Variants in BTNL9 observed in about 807,000 individuals in gnomAD.
BTNL9 encodes butyrophilin-like protein 9.
BTNL9 carries 45 observed loss-of-function variants against 45.8 expected under a neutral mutation model. That is an observed-to-expected ratio of 0.98 (90% confidence interval 0.77 to 1.26). BTNL9 has a LOEUF of 1.26. BTNL9 is among the 50% of genes most tolerant of loss of function. BTNL9 has a pLI of 0.00. For missense variants in BTNL9, 784 were observed against 729.7 expected, an observed-to-expected ratio of 1.07 and a Z score of -0.86; for synonymous variants, 346 against 330.8, an observed-to-expected ratio of 1.05 and a Z score of -0.50.
In BTNL9 at chr5:181,059,751, C is replaced by T; in HGVS notation, c.1497C>T (p.Pro499=). ...RAHDGGEHPD[P]LTICPLPVRG... ...ACGACGGCGGCGAACATCCGGATCCCCTGACCATCTGCCCGCTGCCGGTTA... is the reference window on the plus strand; with the variant it reads ...ACGACGGCGGCGAACATCCGGATCCTCTGACCATCTGCCCGCTGCCGGTTA... The change falls in exon 11 of 11, where the codon CCC becomes CCT. Residue 499 remains proline, a synonymous_variant. Coordinates refer to ENST00000327705, the MANE Select transcript of BTNL9 (RefSeq NM_152547.5). The T allele has an allele frequency of 6.2e-7, 1 of 1,612,546 alleles. No homozygotes were observed. The highest frequency in any genetic ancestry group is 8.5e-7 in the Non-Finnish European group (1 of 1,179,902).
rs1479277185 is a variant in BTNL9 at position 181,059,844 on chromosome 5, C to T, written c.1590C>T (p.Pro530=). 1.3e-6 allele frequency: 2 copies of T among 1,575,098 alleles called. No homozygotes were observed. Among genetic ancestry groups the T allele is most frequent in the South Asian group, 2.3e-5 (2 of 88,384 alleles). ...TACAGCCCTATGAGCCCGCGGACCC[C>T]GCCCTGGACTGGTGGTGAGGCGCCC... The part of the protein sequence containing the change: ...TWLQPYEPAD[P]ALDWW The change falls in exon 11 of 11, where the codon CCC becomes CCT. Residue 530 remains proline (P), a synonymous_variant. Transcript: ENST00000327705.
intron 1 of BTNL9, among the ~76,000 whole-genome samples, chr5:181,044,693 G>C (rs74711548): frequency 5.9e-5 from 9 of 152,192 alleles, no homozygotes; most frequent in Admixed American, 4.6e-4. Flanking sequence ...CTCTCTGGCC[G>C]TGAGTCATTA....
chr5:181,046,694 A>G (rs1310433228), intron 2 of BTNL9, among the ~76,000 whole-genome samples: 2 of 151,908 alleles, frequency 1.3e-5, no homozygotes, highest in East Asian at 3.9e-4. Context: ...AGAGAGAGAG[A>G]GAGCGAGAGA....
rs547310843 is a variant in BTNL9 at position 181,057,884 on chromosome 5, A to C, written c.956-468A>C. Among the ~76,000 whole-genome samples the C allele has an allele frequency of 1.3e-3, 201 of 152,364 alleles. 1 individual carries two copies. The highest frequency in any genetic ancestry group is 4.4e-3 in the African/African-American group (183 of 41,584). ...GATATCTTTGTTGCAAAACAAAACA[A>C]GATAAAACACAACAGAAATCCACTC... On this transcript the variant is annotated intron_variant, in intron 9 of 10. Transcript: ENST00000327705.
At chr5:181,054,217 T>A in intron 6 of BTNL9, 22 bp from the exon 7 acceptor site, 1 of 352,660 alleles carries the variant, frequency 2.8e-6, no homozygotes, top group Non-Finnish European at 4.9e-6. Context: ...TTTCTTCATC[T>A]TTTTTTTTTT....
chr5:181,050,630 C>T lies in BTNL9; in HGVS notation c.736+261C>T, dbSNP rs1424415131. Among the ~76,000 whole-genome samples, 1 of 152,216 alleles carries T rather than the reference C, an allele frequency of 6.6e-6. No individual in the cohort carries two copies. Among genetic ancestry groups the T allele is most frequent in the African/African-American group, 2.4e-5 (1 of 41,450 alleles). Reference sequence around the variant, plus strand: ...CATACACTAAAACCCATCAACTCTGCTCATCAGAGGCATCATGGGAGCCAA... The same window carrying T: ...CATACACTAAAACCCATCAACTCTGTTCATCAGAGGCATCATGGGAGCCAA... On this transcript the variant is annotated intron_variant, in intron 4 of 10. Transcript: ENST00000327705. The surrounding 1 kb of genome is among the most constrained non-coding windows in gnomAD (Gnocchi z 4.9).
chr5:181,052,841 C>T (rs1315479296), intron 4 of BTNL9: 10 of 141,590 alleles, frequency 7.1e-5, no homozygotes, highest in African/African-American at 1.7e-4. Flanking sequence ...CGGGTGCGAG[C>T]AGGAGCTCCC....
intron 3 of BTNL9, among the ~76,000 whole-genome samples, chr5:181,048,938 T>C (rs922242519): frequency 4.2e-5 from 6 of 142,738 alleles, no homozygotes; most frequent in Non-Finnish European, 9.0e-5. Context: ...TATTATATAA[T>C]ATATATAATA....
intron 1 of BTNL9, among the ~76,000 whole-genome samples, chr5:181,041,219 G>A (rs907961163): frequency 1.3e-5 from 2 of 152,222 alleles, no homozygotes; most frequent in Non-Finnish European, 2.9e-5. Flanking sequence ...CGCTCAGGAC[G>A]CCAACAGCTG....
In BTNL9 at chr5:181,050,241, G is replaced by A; in HGVS notation, c.608G>A (p.Trp203Ter). The change falls in exon 4 of 11, where the codon TGG becomes TAG. Residue 203 changes from tryptophan (W) to a stop codon, truncating the protein, a stop_gained. Coordinates refer to ENST00000327705, the MANE Select transcript of BTNL9 (RefSeq NM_152547.5). LOFTEE classifies it high-confidence loss of function. The surrounding 1 kb of genome is among the most constrained non-coding windows in gnomAD (Gnocchi z 4.9). ...CCTCCAGAGTTTGAAGCCATCGTCT[G>A]GGATGCCCAGGACCTGTTCAGTCTG... ...CLPPEFEAIVWDAQDLFSLET... is the reference protein window; with the variant it reads ...CLPPEFEAIV 6.2e-7 allele frequency: 1 copy of A among 1,614,076 alleles called. No individual in the cohort carries two copies.
Position 181,048,165 on chromosome 5 carries a change from G to C in BTNL9, c.348G>C (p.Val116=). Residue 116 remains valine (V), a synonymous_variant, in exon 3 of 11, where the codon GTG becomes GTC. Coordinates refer to ENST00000327705, the MANE Select transcript of BTNL9 (RefSeq NM_152547.5). ...LVKDDIAYGS[V]VLQLHSIIPS... is the part of the protein sequence containing the mutation. ...AGGACGACATCGCCTATGGCAGCGT[G>C]GTCCTGCAGCTTCACAGCATCATCC... 1 of 1,613,538 alleles carries C rather than the reference G, an allele frequency of 6.2e-7. No homozygotes were observed. Among genetic ancestry groups the C allele is most frequent in the Non-Finnish European group, 8.5e-7 (1 of 1,180,030 alleles).
chr5:181,060,049 A>G lies in BTNL9; in HGVS notation c.*187A>G. On this transcript the variant is annotated 3_prime_UTR_variant, in exon 11 of 11. Coordinates refer to ENST00000327705, the MANE Select transcript of BTNL9 (RefSeq NM_152547.5). ...GCGATTTTCTTCAAGGAAAGGAGAC[A>G]AGTCCAAAGCTCGTTTGTGGATTGT... 1 of 613,892 alleles carries G rather than the reference A, an allele frequency of 1.6e-6. No individual in the cohort carries two copies. Among genetic ancestry groups the G allele is most frequent in the Non-Finnish European group, 2.8e-6 (1 of 356,360 alleles). The allele number at this position is 613,892 out of a possible 1,614,324, so 38.0% of individuals were successfully genotyped here.
chr5:181,055,297 A>C lies in BTNL9; in HGVS notation c.908-136A>C. The C allele has an allele frequency of 6.4e-7, 1 of 1,557,512 alleles. No individual in the cohort carries two copies. The highest frequency in any genetic ancestry group is 8.6e-7 in the Non-Finnish European group (1 of 1,156,732). On this transcript the variant is annotated intron_variant, in intron 7 of 10. Transcript: ENST00000327705. The surrounding 1 kb of genome is among the most constrained non-coding windows in gnomAD (Gnocchi z 4.4). ...TGAGGGCAATGAAGGGGCAAAGAGGAAGCTGTAAAAAAAAAAAAATGAAGC... is the reference window on the plus strand; with the variant it reads ...TGAGGGCAATGAAGGGGCAAAGAGGCAGCTGTAAAAAAAAAAAAATGAAGC...
At chr5:181,054,448 AC>A in intron 7 of BTNL9, 189 bp downstream of exon 7, 1 of 985,310 alleles carries the variant, frequency 1.0e-6, no homozygotes, top group Non-Finnish European at 1.2e-6. Flanking sequence ...GCTGCCCGAG[AC>A]CCTCTGCACA....
chr5:181,053,942 G>A lies in BTNL9; in HGVS notation c.887-297G>A, dbSNP rs751285734. On this transcript the variant is annotated intron_variant, in intron 6 of 10. Transcript: ENST00000327705. The surrounding 1 kb of genome is among the most constrained non-coding windows in gnomAD (Gnocchi z 6.5). ...CCCAGTTACGTGAGGCAGTGTCCGG[G>A]GCTTAACGTTTCCGCCGAGCTAATA... 6.6e-7 allele frequency: 1 copy of A among 1,520,952 alleles called. No individual in the cohort carries two copies. Among genetic ancestry groups the A allele is most frequent in the Non-Finnish European group, 8.8e-7 (1 of 1,137,506 alleles). The allele number at this position is 1,520,952 out of a possible 1,614,324, so 94.2% of individuals were successfully genotyped here.
Position 181,059,555 on chromosome 5 carries a change from C to T in BTNL9, c.1301C>T (p.Ala434Val), listed in dbSNP as rs746350412. Residue 434 changes from alanine to valine, a missense_variant, in exon 11 of 11, where the codon GCC becomes GTC. Ala to Val is a moderately conservative substitution (Grantham distance 64). Coordinates refer to ENST00000327705, the MANE Select transcript of BTNL9 (RefSeq NM_152547.5). Reference protein sequence around the residue: ...LWNGCEYFVLAPHRVALTLRV... With the variant: ...LWNGCEYFVLVPHRVALTLRV... ...AACGGCTGCGAGTACTTCGTCCTGGCCCCGCACCGCGTCGCGCTCACCCTG... is the reference window on the plus strand; with the variant it reads ...AACGGCTGCGAGTACTTCGTCCTGGTCCCGCACCGCGTCGCGCTCACCCTG... The T allele has an allele frequency of 5.6e-6, 9 of 1,610,642 alleles. No individual in the cohort carries two copies. The East Asian group carries it at 1.6e-4, about 28-fold the overall frequency.
intron 10 of BTNL9, 67 bp from the exon 11 acceptor site, chr5:181,059,170 C>T (rs1762028755): frequency 7.0e-6 from 10 of 1,419,930 alleles, no homozygotes; most frequent in African/African-American, 3.0e-5. Context: ...GGTTTGTCCG[C>T]CTTGGGGAAG....
chr5:181,048,035 G>A lies in BTNL9; in HGVS notation c.218G>A (p.Arg73His), dbSNP rs762550306. The A allele has an allele frequency of 2.0e-5, 32 of 1,613,610 alleles. No homozygotes were observed. The highest frequency in any genetic ancestry group is 2.5e-5 in the Non-Finnish European group (30 of 1,179,992). ...CTGGATGCCCAGCAAATGGAGATCCGCTGGTTCCGGAGTCAGACCTTCAAT... is the reference window on the plus strand; with the variant it reads ...CTGGATGCCCAGCAAATGGAGATCCACTGGTTCCGGAGTCAGACCTTCAAT... ...PQLDAQQMEIRWFRSQTFNVV... is the reference protein window; with the variant it reads ...PQLDAQQMEIHWFRSQTFNVV... The change falls in exon 3 of 11, where the codon CGC (arginine) becomes CAC (histidine). Residue 73 changes from arginine (R) to histidine (H), a missense_variant. Arg to His is a conservative substitution (Grantham distance 29). Transcript: ENST00000327705.
intron 10 of BTNL9, 100 bp downstream of exon 10, chr5:181,058,478 A>G: frequency 6.6e-7 from 1 of 1,512,832 alleles, no homozygotes; most frequent in Non-Finnish European, 9.2e-7. Context: ...GCTTTATAGG[A>G]GCCAAGTATG....
Sources: gnomAD v4.1 joint callset for allele counts (sites outside exome capture counted in the v4.1 genomes callset) on GRCh38, gnomAD v4.1.1 for gene constraint, Gnocchi (gnomAD v3.1) non-coding constraint, MANE v1.5 for transcripts, NCBI Gene and HGNC (gene_info 2026-07-23, HGNC 2026-07-21) for gene names.